The following C2 variants were observed in gnomAD, a reference collection of about 807,000 sequenced individuals.
C2 encodes the protein C3/C5 convertase.
A neutral mutation model predicts 85.2 loss-of-function variants in C2; 64 were observed. That is an observed-to-expected ratio of 0.75 (90% CI 0.61 to 0.92). The LOEUF (loss-of-function observed/expected upper bound fraction) is 0.92, where lower values mean the gene tolerates loss of function less well. Among genes scored for constraint, C2 ranks in the 40% least tolerant of loss-of-function variants. C2 has a pLI of 0.00. For missense variants in C2, 820 were observed against 971.6 expected, an observed-to-expected ratio of 0.84 and a Z score of 2.07; for synonymous variants, 311 against 370.8, an observed-to-expected ratio of 0.84 and a Z score of 1.85.
At chr6:31,937,179 A>G in intron 7 of C2, 140 bp from the exon 8 acceptor site, 2 of 807,738 alleles carry the variant, frequency 2.5e-6, no homozygotes, top group Non-Finnish European at 4.1e-6. Context: ...ACTATACTCT[A>G]GCCTGGGTGG....
chr6:31,944,927 A>C lies in C2; in HGVS notation c.2030-53A>C. ...CTCTGTGGCCAGCATGCATGCCAGA[A>C]CACCAGTCCACTGCCCTAGATGACA... On this transcript the variant is annotated intron_variant, in intron 16 of 17. Coordinates refer to ENST00000299367, the MANE Select transcript of C2 (RefSeq NM_000063.6). The surrounding 1 kb of genome is among the most constrained non-coding windows in gnomAD (Gnocchi z 5.1). The C allele has an allele frequency of 6.2e-7, 1 of 1,612,600 alleles. No individual in the cohort carries two copies. The highest frequency in any genetic ancestry group is 8.5e-7 in the Non-Finnish European group (1 of 1,179,596).
chr6:31,899,906 T>C, upstream of C2: 1 of 1,548,304 alleles, frequency 6.5e-7, no homozygotes. Flanking sequence ...CCCAGCCTCC[T>C]GGCCTCCACG....
At chr6:31,942,271 C>A (rs1180035350) in intron 9 of C2, among the ~76,000 whole-genome samples, 1 of 148,566 alleles carries the variant, frequency 6.7e-6, no homozygotes, top group Non-Finnish European at 1.5e-5. Flanking sequence ...CTTATAAGGA[C>A]CTCAGTCATT....
intron 1 of C2, among the ~76,000 whole-genome samples, chr6:31,902,800 C>CA (rs1767452637): frequency 6.6e-6 from 1 of 152,216 alleles, no homozygotes; most frequent in African/African-American, 2.4e-5. Flanking sequence ...CTTGCCAAGG[C>CA]AGTCGCCCTC....
rs768689923 is a variant in C2, at chr6:31,943,452, T to G, written c.1492T>G (p.Ser498Ala). 5 of 1,613,054 alleles carry G rather than the reference T, an allele frequency of 3.1e-6. No homozygotes were observed. The East Asian group carries it at 1.1e-4, about 36-fold the overall frequency. Residue 498 changes from serine (S) to alanine (A), a missense_variant, in exon 12 of 18, where the codon TCC becomes GCC. By Grantham distance (99) the Ser-to-Ala change is moderately conservative. Coordinates refer to ENST00000299367, the MANE Select transcript of C2 (RefSeq NM_000063.6). The surrounding 1 kb of genome is among the most constrained non-coding windows in gnomAD (Gnocchi z 6.4). ...SQETCRGALI[S>A]DQWVLTAAHC... is the part of the protein sequence containing the mutation. The stretch of plus-strand genomic sequence containing the variant: ...AGAGACCTGCCGGGGGGCCCTCATC[T>G]CCGACCAATGGGTCCTGACAGCAGC...
At chr6:31,927,278 A>G (rs1470338560), upstream of C2, among the ~76,000 whole-genome samples, 1 of 152,264 alleles carries the variant, frequency 6.6e-6, no homozygotes, top group African/African-American at 2.4e-5. The surrounding 1 kb of genome is among the most constrained non-coding windows in gnomAD (Gnocchi z 4.7). Flanking sequence ...CACTTGGTAC[A>G]ACCCAAAAGA....
chr6:31,944,048 A>G lies in C2; in HGVS notation c.1810+55A>G. On this transcript the variant is annotated intron_variant, in intron 14 of 17. Transcript: ENST00000299367. The surrounding 1 kb of genome is among the most constrained non-coding windows in gnomAD (Gnocchi z 5.1). ...GCTGGGGCCGGGGTTTGGGGGTGAT[A>G]ACAAGGACTAGGCTGCAGTCCCCAA... The G allele has an allele frequency of 6.3e-7, 1 of 1,597,730 alleles. No individual in the cohort carries two copies. Among genetic ancestry groups the G allele is most frequent in the Non-Finnish European group, 8.6e-7 (1 of 1,166,206 alleles).
chr6:31,929,918 A>G (rs1475301017), intron 3 of C2, among the ~76,000 whole-genome samples: 1 of 149,896 alleles, frequency 6.7e-6, no homozygotes, highest in African/African-American at 2.5e-5. Flanking sequence ...AGGCTGAGGC[A>G]GGAGAATCAC....
chr6:31,935,623 C>G lies in C2; in HGVS notation c.850-300C>G, dbSNP rs1321376917. 6.6e-6 allele frequency among the ~76,000 whole-genome samples: 1 copy of G among 152,064 alleles called. No individual in the cohort carries two copies. The highest frequency in any genetic ancestry group is 2.4e-5 in the African/African-American group (1 of 41,378). On this transcript the variant is annotated intron_variant, in intron 6 of 17. Coordinates refer to ENST00000299367, the MANE Select transcript of C2 (RefSeq NM_000063.6). The surrounding 1 kb of genome is among the most constrained non-coding windows in gnomAD (Gnocchi z 4.3). ...TAGCTGGGATTATAGGTGCTTGCCA[C>G]CATACCAGGCTAATTTTTGTATTTT...
At chr6:31,939,403 C>T (rs1486695936) in intron 9 of C2, 83 bp downstream of exon 9, 2 of 1,071,448 alleles carry the variant, frequency 1.9e-6, no homozygotes, top group African/African-American at 3.1e-5. Context: ...AGCATCTTAG[C>T]TATGGTCCAG....
chr6:31,899,660 G>A (rs1377278246), upstream of C2: 2 of 478,294 alleles, frequency 4.2e-6, no homozygotes, highest in Non-Finnish European at 7.4e-6. Flanking sequence ...ACATATACAT[G>A]CACTTCTAAG....
chr6:31,938,596 A>G (rs2151762569), intron 8 of C2, among the ~76,000 whole-genome samples: 1 of 151,732 alleles, frequency 6.6e-6, no homozygotes, highest in African/African-American at 2.4e-5. Flanking sequence ...GGCTGAAGCA[A>G]TTCTCGTGCC....
In C2 at chr6:31,945,661, A is replaced by C; in HGVS notation, c.*304A>C. ...CCAGTTATGAAATTAATAAAAATCA[A>C]TGGTTTCCACATCTCTCAGTGCCTC... is the stretch of plus-strand genomic sequence containing the variant. On this transcript the variant is annotated 3_prime_UTR_variant, in exon 18 of 18. Transcript: ENST00000299367. This position sits in a 1 kb window ranked among gnomAD's most constrained non-coding sequence, Gnocchi z 5.3. 1 of 538,414 alleles carries C rather than the reference A, an allele frequency of 1.9e-6. No homozygotes were observed. Among genetic ancestry groups the C allele is most frequent in the East Asian group, 3.2e-5 (1 of 30,978 alleles). The allele number at this position is 538,414 out of a possible 1,614,324, so 33.4% of individuals were successfully genotyped here. A position where few individuals can be genotyped will look rare whatever the true frequency, so the allele number is the denominator to read the frequency against.
At chr6:31,914,103 G>A (rs1191933031) in intron 1 of C2, among the ~76,000 whole-genome samples, 2 of 151,566 alleles carry the variant, frequency 1.3e-5, no homozygotes, top group African/African-American at 2.4e-5. Context: ...TGTATTCACC[G>A]TGTTTCACTA....
chr6:31,931,417 G>T (rs910378410), intron 3 of C2, among the ~76,000 whole-genome samples: 1 of 151,440 alleles, frequency 6.6e-6, no homozygotes, highest in South Asian at 2.1e-4. Context: ...GCGGCCTTCC[G>T]CAGTGTTTGT....
intron 1 of C2, among the ~76,000 whole-genome samples, chr6:31,908,426 C>T (rs1767871840): frequency 6.6e-6 from 1 of 151,324 alleles, no homozygotes; most frequent in Admixed American, 6.6e-5. Context: ...CTGAGGTGGG[C>T]GGATCACCTG....
At chr6:31,934,350 C>T in intron 6 of C2, 51 bp downstream of exon 6, 1 of 1,611,164 alleles carries the variant, frequency 6.2e-7, no homozygotes, top group Non-Finnish European at 8.5e-7. Flanking sequence ...TGCTCACTAT[C>T]TCTCTCTGTC....
Position 31,921,306 on chromosome 6 carries a change from T to G in C2, c.-100+1280T>G, listed in dbSNP as rs1411892042. Among the ~76,000 whole-genome samples, 1 of 151,432 alleles carries G rather than the reference T, an allele frequency of 6.6e-6. No individual in the cohort carries two copies. The highest frequency in any genetic ancestry group is 2.4e-5 in the African/African-American group (1 of 41,220). On this transcript the variant is annotated intron_variant, in intron 1 of 3. Coordinates refer to the C2 transcript ENST00000413154. The surrounding 1 kb of genome is among the most constrained non-coding windows in gnomAD (Gnocchi z 4.6). ...ATTGTTTAAAAAAAAAACTCCTGGA[T>G]CCTTCCTCTGGGGAGCTTGAGACAA...
chr6:31,919,198 G>A (rs1768787064), upstream of C2, among the ~76,000 whole-genome samples: 1 of 148,356 alleles, frequency 6.7e-6, no homozygotes, highest in Non-Finnish European at 1.5e-5. Flanking sequence ...AGGTTGGAGT[G>A]CAGTGGTGCA....
Sources: gnomAD v4.1 joint callset for allele counts (sites outside exome capture counted in the v4.1 genomes callset) on GRCh38, gnomAD v4.1.1 for gene constraint, Gnocchi (gnomAD v3.1) non-coding constraint, MANE v1.5 for transcripts, NCBI Gene and HGNC (gene_info 2026-07-23, HGNC 2026-07-21) for gene names.